TNR: variants seen among roughly 807,000 people sequenced by gnomAD.
TNR encodes tenascin R, also known as tenascin-R.
A neutral mutation model predicts 150.4 loss-of-function variants in TNR; 45 were observed. The observed-to-expected ratio is 0.30, with a 90% CI of 0.24 to 0.38. The LOEUF (loss-of-function observed/expected upper bound fraction) is 0.38, where lower values mean the gene tolerates loss of function less well. Among genes scored for constraint, TNR ranks in the 10% least tolerant of loss-of-function variants. The pLI, the probability that TNR is intolerant of heterozygous loss-of-function variation, is 1.00. For synonymous variants in TNR, 687 were observed against 678.4 expected (o/e 1.01, Z -0.20); for missense variants, 1,544 against 1,759.1 (o/e 0.88, Z 2.19).
Position 175,434,138 on chromosome 1 carries a change from C to T in TNR, c.-63-27361G>A, listed in dbSNP as rs538969605. ...GCGGCCAGATTGCATTTTCAAGATTCGTCCACATGCTGGTTTCCTAGGAAG... is the reference window on the plus strand; with the variant it reads ...GCGGCCAGATTGCATTTTCAAGATTTGTCCACATGCTGGTTTCCTAGGAAG... On this transcript the variant is annotated intron_variant, in intron 2 of 22. Transcript: ENST00000367674. 6.8e-3 allele frequency among the ~76,000 whole-genome samples: 1,041 copies of T among 152,290 alleles called. 3 individuals carry two copies. Among genetic ancestry groups the T allele is most frequent in the Non-Finnish European group, 9.3e-3 (632 of 68,036 alleles).
chr1:175,517,050 AG>A (rs1378224703), intron 2 of TNR, among the ~76,000 whole-genome samples: 59 of 147,802 alleles, frequency 4.0e-4, no homozygotes, highest in African/African-American at 1.2e-3. Context: ...AGAGAGAGAG[AG>A]AGAGAGAAAG....
At chr1:175,704,901 T>C (rs969272710) in intron 1 of TNR, among the ~76,000 whole-genome samples, 1 of 152,206 alleles carries the variant, frequency 6.6e-6, no homozygotes, top group Non-Finnish European at 1.5e-5. Flanking sequence ...GATAATTTCC[T>C]TTAAGTTCCT....
At chr1:175,577,911 A>G (rs1571630151) in intron 1 of TNR, among the ~76,000 whole-genome samples, 1 of 152,202 alleles carries the variant, frequency 6.6e-6, no homozygotes, top group Admixed American at 6.5e-5. Context: ...TGGGTTGTCA[A>G]TATCCTACAT....
At chr1:175,672,470 G>A (rs1435253511) in intron 1 of TNR, among the ~76,000 whole-genome samples, 2 of 152,158 alleles carry the variant, frequency 1.3e-5, no homozygotes, top group Non-Finnish European at 2.9e-5. Context: ...AGAAGGTGGG[G>A]CAATCACAAG....
At chr1:175,593,304 C>A (rs1460974763) in intron 1 of TNR, among the ~76,000 whole-genome samples, 4 of 152,162 alleles carry the variant, frequency 2.6e-5, no homozygotes, top group African/African-American at 9.7e-5. Context: ...CAACCCAGCC[C>A]TTTACACTGT....
At chr1:175,672,707 A>G (rs1009891535) in intron 1 of TNR, among the ~76,000 whole-genome samples, 1 of 152,170 alleles carries the variant, frequency 6.6e-6, no homozygotes, top group Non-Finnish European at 1.5e-5. Flanking sequence ...CCACTCCCCA[A>G]GCCAAATGAG....
intron 1 of TNR, among the ~76,000 whole-genome samples, chr1:175,602,125 T>G (rs1213607756): frequency 1.4e-5 from 2 of 143,656 alleles, no homozygotes; most frequent in Non-Finnish European, 3.0e-5. Context: ...ATAATATAAA[T>G]ATTTGTCCTC....
chr1:175,561,697 CA>C, intron 1 of TNR, among the ~76,000 whole-genome samples: 1 of 152,178 alleles, frequency 6.6e-6, no homozygotes, highest in Non-Finnish European at 1.5e-5. Context: ...AAGAGTCAAT[CA>C]AATCTAGATT....
intron 1 of TNR, among the ~76,000 whole-genome samples, chr1:175,722,170 A>G (rs1489506017): frequency 6.6e-6 from 1 of 152,048 alleles, no homozygotes; most frequent in Non-Finnish European, 1.5e-5. Context: ...CTCCCTGGCC[A>G]TGGAGGGTTT....
chr1:175,593,056 G>A (rs1020506306), intron 1 of TNR, among the ~76,000 whole-genome samples: 1 of 152,090 alleles, frequency 6.6e-6, no homozygotes, highest in South Asian at 2.1e-4. Flanking sequence ...CTGACTGGGG[G>A]TTTTCCTTTG....
intron 18 of TNR, among the ~76,000 whole-genome samples, chr1:175,348,437 C>T (rs966674487): frequency 6.6e-5 from 10 of 152,134 alleles, no homozygotes; most frequent in South Asian, 6.2e-4. Flanking sequence ...AACTAAGATG[C>T]CTTTGGAAAA....
chr1:175,323,399 G>T lies in TNR; in HGVS notation c.4035C>A (p.His1345Gln). ...GCCGTTTTCTCCCTGCCATGAGACG[G>T]TGGTTGTAGGGGCGCATCTTCATTT... ...FVEMKMRPYN[H>Q]RLMAGRKRQS... Residue 1345 changes from histidine (H) to glutamine (Q), a missense_variant, in exon 23 of 23, where the codon CAC becomes CAA. Coordinates refer to ENST00000367674, the MANE Select transcript of TNR (RefSeq NM_003285.3). 2 of 1,614,144 alleles carry T rather than the reference G, an allele frequency of 1.2e-6. No individual in the cohort carries two copies. The highest frequency in any genetic ancestry group is 2.2e-5 in the South Asian group (2 of 91,082).
chr1:175,552,171 G>T (rs1448946651), intron 1 of TNR, among the ~76,000 whole-genome samples: 2 of 152,172 alleles, frequency 1.3e-5, no homozygotes, highest in East Asian at 3.9e-4. Flanking sequence ...ATGTCGGTAG[G>T]TAGGAGGCCA....
At chr1:175,553,412 C>G (rs946491838) in intron 1 of TNR, among the ~76,000 whole-genome samples, 10 of 152,152 alleles carry the variant, frequency 6.6e-5, no homozygotes, top group Non-Finnish European at 1.2e-4. Flanking sequence ...CATCTGAGAA[C>G]ATTTTCCTCC....
At chr1:175,725,657 G>A (rs144466139) in intron 1 of TNR, among the ~76,000 whole-genome samples, 15 of 152,322 alleles carry the variant, frequency 9.8e-5, no homozygotes, top group Admixed American at 9.8e-4. Context: ...GGGGAAAATA[G>A]GTACTTGTTT....
intron 1 of TNR, among the ~76,000 whole-genome samples, chr1:175,587,260 T>C (rs1662611687): frequency 6.6e-6 from 1 of 152,184 alleles, no homozygotes; most frequent in South Asian, 2.1e-4. Flanking sequence ...TGTTAATAAA[T>C]AATTGTTACG....
chr1:175,506,804 A>G (rs1344091661), intron 2 of TNR, among the ~76,000 whole-genome samples: 1 of 152,236 alleles, frequency 6.6e-6, no homozygotes, highest in Non-Finnish European at 1.5e-5. Context: ...CATTGGTCCC[A>G]TTTTGAGTCA....
At chr1:175,534,093 A>T (rs1456734305) in intron 1 of TNR, among the ~76,000 whole-genome samples, 2 of 152,212 alleles carry the variant, frequency 1.3e-5, no homozygotes, top group African/African-American at 2.4e-5. Context: ...TGCATCCAGG[A>T]GGTGCAGCAA....
intron 1 of TNR, among the ~76,000 whole-genome samples, chr1:175,576,335 G>A (rs1446643680): frequency 1.3e-5 from 2 of 152,186 alleles, no homozygotes; most frequent in South Asian, 2.1e-4. Context: ...CAAGGTGGGA[G>A]GAGAGGAGGA....
Sources: gnomAD v4.1 joint callset for allele counts (sites outside exome capture counted in the v4.1 genomes callset) on GRCh38, gnomAD v4.1.1 for gene constraint, MANE v1.5 for transcripts, NCBI Gene and HGNC (gene_info 2026-07-23, HGNC 2026-07-21) for gene names.